Variants in KCNH4 observed in about 807,000 individuals in gnomAD.
KCNH4 encodes the protein potassium voltage-gated channel subfamily H member 4.
KCNH4 carries 33 observed loss-of-function variants against 90.7 expected under a neutral mutation model. That is an observed-to-expected ratio of 0.36 (90% CI 0.28 to 0.49). The LOEUF is 0.49. KCNH4 is among the 20% of genes least tolerant of loss of function. The pLI is 0.98. For missense variants in KCNH4, 1,044 were observed against 1,387.1 expected (o/e 0.75, Z 3.93); for synonymous variants, 551 against 581.7 (o/e 0.95, Z 0.76).
rs2079812809 is a variant in KCNH4 at position 42,169,617 on chromosome 17, G to A, written c.1450C>T (p.Arg484Cys). 2 of 1,613,986 alleles carry A rather than the reference G, an allele frequency of 1.2e-6. No individual in the cohort carries two copies. The highest frequency in any genetic ancestry group is 1.7e-6 in the Non-Finnish European group (2 of 1,179,980). ...VTAIIQRMYSRRSLYHSRMKD... is the reference protein window; with the variant it reads ...VTAIIQRMYSCRSLYHSRMKD... ...ATGCGGCTGTGGTAGAGCGAGCGGCGCGAGTACATGCGCTGGATGATGGCT... is the reference window on the plus strand; with the variant it reads ...ATGCGGCTGTGGTAGAGCGAGCGGCACGAGTACATGCGCTGGATGATGGCT... Residue 484 changes from arginine (R) to cysteine (C), a missense_variant, in exon 9 of 17, where the codon CGC (arginine) becomes TGC (cysteine). Arg to Cys is a radical substitution (Grantham distance 180). Coordinates refer to ENST00000264661, the MANE Select transcript of KCNH4 (RefSeq NM_012285.3).
chr17:42,181,134 G>T lies in KCNH4; in HGVS notation c.-189C>A. 1 of 547,334 alleles carries T rather than the reference G, an allele frequency of 1.8e-6. No homozygotes were observed. Among genetic ancestry groups the T allele is most frequent in the Non-Finnish European group, 3.2e-6 (1 of 313,824 alleles). 33.9% of individuals were successfully genotyped at this position (547,334 alleles called of 1,614,324 possible). On this transcript the variant is annotated 5_prime_UTR_variant, in exon 1 of 17. Transcript: ENST00000264661. ...GTAGCTCTCGGCTCGGCTCAGCGCC[G>T]TTTCGGTCCCCCCCACCTCCCCACG...
chr17:42,175,900 C>T (rs962000043), intron 5 of KCNH4, among the ~76,000 whole-genome samples, 154 bp downstream of exon 5: 13 of 151,806 alleles, frequency 8.6e-5, no homozygotes, highest in African/African-American at 1.2e-4. Context: ...CTGAAGGCTG[C>T]GGGGAGCAGG....
rs936721818 is a variant in KCNH4 at position 42,160,171 on chromosome 17, T to C, written c.2923A>G (p.Arg975Gly). The change falls in exon 16 of 17, where the codon AGA (arginine) becomes GGA (glycine). Residue 975 changes from arginine (R) to glycine (G), a missense_variant. By Grantham distance (125) the Arg-to-Gly change is moderately radical (BLOSUM62 -2). Transcript: ENST00000264661. Reference protein sequence around the residue: ...METGTALLDLRPSILPPYPSE... With the variant: ...METGTALLDLGPSILPPYPSE... ...GGGTAGGGGGGCAATATGGAAGGTC[T>C]CAAGTCCAGGAGCGCAGTCCCTGTC... 9 of 1,613,292 alleles carry C rather than the reference T, an allele frequency of 5.6e-6. No homozygotes were observed. The Admixed American group carries it at 8.3e-5, about 15-fold the overall frequency.
intron 7 of KCNH4, among the ~76,000 whole-genome samples, chr17:42,170,504 G>A (rs1359302864): frequency 1.3e-5 from 2 of 152,258 alleles, no homozygotes; most frequent in Non-Finnish European, 2.9e-5. Context: ...ACATTGCTGA[G>A]TGTTCAAAGG....
chr17:42,178,599 C>T, intron 2 of KCNH4, 122 bp from the exon 3 acceptor site: 1 of 1,310,788 alleles, frequency 7.6e-7, no homozygotes, highest in East Asian at 2.5e-5. Flanking sequence ...CAAAAGGAAC[C>T]TCAGAGATTC....
In KCNH4 at chr17:42,175,591, G is replaced by A; in HGVS notation, c.975C>T (p.Phe325=). 6.2e-7 allele frequency: 1 copy of A among 1,614,202 alleles called. No homozygotes were observed. The highest frequency in any genetic ancestry group is 1.1e-5 in the South Asian group (1 of 91,084). ...AALPFDLLYI[F]NITVTSLVHL... is the part of the protein sequence containing the mutation. ...GGAGGTCACTCACCACGGTGATGTT[G>A]AAGATGTAAAGCAGGTCAAAGGGCA... Residue 325 remains phenylalanine (F), a synonymous_variant, in exon 6 of 17, where the codon TTC becomes TTT. Coordinates refer to ENST00000264661, the MANE Select transcript of KCNH4 (RefSeq NM_012285.3).
At chr17:42,175,438 T>A in intron 6 of KCNH4, 141 bp downstream of exon 6, 1 of 969,348 alleles carries the variant, frequency 1.0e-6, no homozygotes, top group Non-Finnish European at 1.6e-6. Flanking sequence ...CACAGGGCTA[T>A]GCCCAGAGCA....
intron 9 of KCNH4, among the ~76,000 whole-genome samples, chr17:42,166,921 C>T (rs910451131): frequency 7.9e-5 from 12 of 152,160 alleles, no homozygotes; most frequent in African/African-American, 2.4e-4. Flanking sequence ...CTCGCTGGGC[C>T]TCAGTATCCC....
chr17:42,175,869 T>C, intron 5 of KCNH4, 133 bp from the exon 6 acceptor site: 1 of 1,263,544 alleles, frequency 7.9e-7, no homozygotes, highest in East Asian at 2.3e-5. Context: ...GGCTGGTCCT[T>C]AGGGAGGATA....
chr17:42,165,247 C>A (rs922552047), intron 11 of KCNH4, among the ~76,000 whole-genome samples: 2 of 151,888 alleles, frequency 1.3e-5, no homozygotes, highest in Admixed American at 6.6e-5. Context: ...CGATGAGAGA[C>A]GGCCAGGGGC....
intron 2 of KCNH4, 69 bp from the exon 3 acceptor site, chr17:42,178,546 C>T (rs2079878964): frequency 6.4e-7 from 1 of 1,561,316 alleles, no homozygotes; most frequent in Non-Finnish European, 8.7e-7. Context: ...CCTCATCCCT[C>T]TCATCCTCCT....
chr17:42,164,034 G>T, intron 12 of KCNH4, 76 bp from the exon 13 acceptor site: 1 of 1,501,314 alleles, frequency 6.7e-7, no homozygotes, highest in South Asian at 1.2e-5. Context: ...GCCTTCGCCG[G>T]CGGATGCAGC....
intron 4 of KCNH4, among the ~76,000 whole-genome samples, chr17:42,176,677 C>T (rs1055121274): frequency 1.3e-5 from 2 of 151,580 alleles, no homozygotes; most frequent in Admixed American, 6.6e-5. Flanking sequence ...AACATGCCAC[C>T]ACACCTGACT....
intron 1 of KCNH4, among the ~76,000 whole-genome samples, chr17:42,179,447 G>C (rs1161632725): frequency 3.2e-4 from 49 of 152,220 alleles, no homozygotes; most frequent in Non-Finnish European, 4.4e-5. Context: ...TTGCAAAGTA[G>C]GGCATAATAG....
chr17:42,180,417 CGA>C lies in KCNH4; in HGVS notation c.76+451_76+452del, dbSNP rs1317821259. Among the ~76,000 whole-genome samples, 1 of 152,124 alleles carries C rather than the reference CGA, an allele frequency of 6.6e-6. No homozygotes were observed. The highest frequency in any genetic ancestry group is 1.5e-5 in the Non-Finnish European group (1 of 68,026). ...TGACGCCCCACGATTTGGGGGCGCGCGACCTCAATCCAAACTAGGTCCTGCTG... is the reference window on the plus strand; with the variant it reads ...TGACGCCCCACGATTTGGGGGCGCGCCCTCAATCCAAACTAGGTCCTGCTG... On this transcript the variant is annotated intron_variant, in intron 1 of 16. Coordinates refer to ENST00000264661, the MANE Select transcript of KCNH4 (RefSeq NM_012285.3). This position sits in a 1 kb window ranked among gnomAD's most constrained non-coding sequence, Gnocchi z 4.7.
intron 12 of KCNH4, 49 bp from the exon 13 acceptor site, chr17:42,164,007 C>A (rs894114746): frequency 4.3e-5 from 64 of 1,497,856 alleles, no homozygotes; most frequent in East Asian, 3.5e-4. Context: ...AACAACAGAC[C>A]CCTTCATTAA....
intron 6 of KCNH4, 140 bp downstream of exon 6, chr17:42,175,439 G>T: frequency 1.0e-6 from 1 of 987,276 alleles, no homozygotes; most frequent in Non-Finnish European, 1.6e-6. Context: ...ACAGGGCTAT[G>T]CCCAGAGCAG....
chr17:42,157,738 G>A (rs2079718797), intron 16 of KCNH4, among the ~76,000 whole-genome samples: 1 of 152,072 alleles, frequency 6.6e-6, no homozygotes, highest in African/African-American at 2.4e-5. Flanking sequence ...TTCCAGAGTA[G>A]CTGGGACCAC....
Position 42,164,167 on chromosome 17 carries a change from C to T in KCNH4, c.2087G>A (p.Gly696Asp). The T allele has an allele frequency of 1.3e-6, 2 of 1,550,882 alleles. No homozygotes were observed. The highest frequency in any genetic ancestry group is 8.7e-7 in the Non-Finnish European group (1 of 1,146,622). ...AGGGGATCGGGAAAAGCGGCTGAGG[C>T]CCTGTGGGGACATAGGAGAGTTCAA... The part of the protein sequence containing the change: ...FNLRQGSDTS[G>D]LSRFSRSPRL... The change falls in exon 12 of 17, where the codon GGC becomes GAC. Residue 696 changes from glycine to aspartate, a missense_variant and splice_region_variant. Gly to Asp is a moderately conservative substitution (Grantham distance 94). Coordinates refer to ENST00000264661, the MANE Select transcript of KCNH4 (RefSeq NM_012285.3).
Sources: gnomAD v4.1 joint callset for allele counts (sites outside exome capture counted in the v4.1 genomes callset) on GRCh38, gnomAD v4.1.1 for gene constraint, Gnocchi (gnomAD v3.1) non-coding constraint, MANE v1.5 for transcripts, NCBI Gene and HGNC (gene_info 2026-07-23, HGNC 2026-07-21) for gene names.